Variants in NCKAP5 observed in about 807,000 individuals in gnomAD.
The protein encoded by NCKAP5 is NCK associated protein 5.
Under a neutral mutation model 167.0 loss-of-function variants are expected in NCKAP5, and 92 were observed. The observed-to-expected ratio is 0.55, with a 90% confidence interval of 0.47 to 0.66. NCKAP5 has a LOEUF of 0.66. Among genes scored for constraint, NCKAP5 ranks in the 30% least tolerant of loss-of-function variants. The pLI, the probability that NCKAP5 is intolerant of heterozygous loss-of-function variation, is 0.00. For synonymous variants in NCKAP5, 891 were observed against 877.4 expected, an observed-to-expected ratio of 1.02 and a Z score of -0.27; for missense variants, 2,378 against 2,315.0, an observed-to-expected ratio of 1.03 and a Z score of -0.56.
At chr2:133,255,658 G>C (rs2088579260) in intron 4 of NCKAP5, among the ~76,000 whole-genome samples, 1 of 152,180 alleles carries the variant, frequency 6.6e-6, no homozygotes, top group South Asian at 2.1e-4. Context: ...GACAAACTCT[G>C]CCCCTTGGGT....
chr2:133,490,964 C>T (rs1005439207), intron 3 of NCKAP5, among the ~76,000 whole-genome samples: 10 of 152,164 alleles, frequency 6.6e-5, no homozygotes, highest in African/African-American at 2.4e-4. Context: ...GGTAAGCCTG[C>T]TTACTTTTCC....
intron 6 of NCKAP5, among the ~76,000 whole-genome samples, chr2:133,124,627 T>C (rs2082345550): frequency 6.6e-6 from 1 of 152,258 alleles, no homozygotes; most frequent in East Asian, 1.9e-4. Flanking sequence ...AGCTAAGCTA[T>C]AAATACGGTG....
At chr2:133,610,304 G>A in the NCKAP5 span, among the ~76,000 whole-genome samples, 2 of 152,168 alleles carry the variant, frequency 1.3e-5, no homozygotes, top group Non-Finnish European at 2.9e-5. Context: ...AGACAAAAGA[G>A]GCAATAAACT....
chr2:132,700,153 C>G (rs577142040), intron 19 of NCKAP5, among the ~76,000 whole-genome samples: 1 of 152,144 alleles, frequency 6.6e-6, no homozygotes, highest in Non-Finnish European at 1.5e-5. Flanking sequence ...TGTTCATATC[C>G]TTCACTCACT....
In NCKAP5 at chr2:133,385,876, G is replaced by T. The variant is rs536504960; in HGVS notation, c.70-82766C>A. On this transcript the variant is annotated intron_variant, in intron 3 of 19. Transcript: ENST00000409261. ...TTCTCTGATGGTAGTTTGTATTTCTGTGGGATTGGTGGTGATATCCCCTTT... is the reference window on the plus strand; with the variant it reads ...TTCTCTGATGGTAGTTTGTATTTCTTTGGGATTGGTGGTGATATCCCCTTT... Among the ~76,000 whole-genome samples, 294 of 152,338 alleles carry T rather than the reference G, an allele frequency of 1.9e-3. 1 individual carries two copies. Among genetic ancestry groups the T allele is most frequent in the Non-Finnish European group, 3.6e-3 (247 of 68,038 alleles).
the NCKAP5 span, among the ~76,000 whole-genome samples, chr2:133,617,444 C>G: frequency 6.8e-6 from 1 of 146,818 alleles, no homozygotes; most frequent in South Asian, 2.3e-4. Context: ...TGATAAGCAA[C>G]TTCAGCAAAG....
intron 8 of NCKAP5, among the ~76,000 whole-genome samples, chr2:132,880,201 G>C (rs1370610986): frequency 6.6e-6 from 1 of 152,202 alleles, no homozygotes; most frequent in Non-Finnish European, 1.5e-5. Context: ...ACAGATATAA[G>C]TTAGATAAAA....
intron 3 of NCKAP5, among the ~76,000 whole-genome samples, chr2:133,316,211 C>A (rs568581959): frequency 1.2e-4 from 19 of 152,322 alleles, no homozygotes; most frequent in African/African-American, 4.3e-4. Context: ...ATGCAACCAA[C>A]ACACTGAACC....
the NCKAP5 span, among the ~76,000 whole-genome samples, chr2:133,637,476 C>CAAAAAAAAAAAAA: frequency 4.7e-4 from 15 of 31,664 alleles, 1 homozygote; most frequent in African/African-American, 2.0e-3. Context: ...TGGTATTTTC[C>CAAAAAAAAAAAAA]AAAAAAAAAA....
At chr2:133,666,557 C>G in the NCKAP5 span, among the ~76,000 whole-genome samples, 1 of 151,972 alleles carries the variant, frequency 6.6e-6, no homozygotes, top group East Asian at 1.9e-4. Flanking sequence ...TTAACAGTCA[C>G]CTACTGATGG....
At chr2:132,825,635 T>C (rs952318417) in intron 11 of NCKAP5, among the ~76,000 whole-genome samples, 2 of 152,184 alleles carry the variant, frequency 1.3e-5, no homozygotes, top group African/African-American at 2.4e-5. Flanking sequence ...ATTAGCAGAA[T>C]TCAGTACAAA....
intron 3 of NCKAP5, among the ~76,000 whole-genome samples, chr2:133,430,512 C>T (rs376092972): frequency 2.9e-4 from 44 of 152,024 alleles, no homozygotes; most frequent in African/African-American, 8.7e-4. Flanking sequence ...TGCGGTCATA[C>T]GTTTCAGTCT....
At chr2:133,300,155 G>T (rs1238773689) in intron 4 of NCKAP5, among the ~76,000 whole-genome samples, 2 of 121,944 alleles carry the variant, frequency 1.6e-5, no homozygotes, top group South Asian at 3.0e-4. Flanking sequence ...CAACCAAAAA[G>T]AGTCCAGGAC....
At chr2:133,275,745 A>G (rs1363340230) in intron 4 of NCKAP5, among the ~76,000 whole-genome samples, 1 of 151,962 alleles carries the variant, frequency 6.6e-6, no homozygotes, top group African/African-American at 2.4e-5. Context: ...AAAATAACCA[A>G]AAGAAAGGAA....
rs1553641915 is a variant in NCKAP5 at position 133,444,409 on chromosome 2, T to TATAGATAG, written c.69+73048_69+73049insCTATCTAT. Among the ~76,000 whole-genome samples, 530 of 138,744 alleles carry TATAGATAG rather than the reference T, an allele frequency of 3.8e-3. 3 individuals are homozygous for TATAGATAG. The highest frequency in any genetic ancestry group is 0.015 in the East Asian group (73 of 4,856). The allele number at this position is 138,744 out of a possible 152,430, so 91.0% of individuals were successfully genotyped here. Reference sequence around the variant, plus strand: ...ATAGATAGATAGATAGATAGATAGATATAGATATAGATGTAGATATTTAAA... The same window carrying TATAGATAG: ...ATAGATAGATAGATAGATAGATAGATATAGATAGATAGATATAGATGTAGATATTTAAA... On this transcript the variant is annotated intron_variant, in intron 3 of 19. Coordinates refer to ENST00000409261, the MANE Select transcript of NCKAP5 (RefSeq NM_207363.3).
intron 4 of NCKAP5, among the ~76,000 whole-genome samples, chr2:133,260,660 T>C (rs1447413591): frequency 6.6e-6 from 1 of 152,188 alleles, no homozygotes; most frequent in Non-Finnish European, 1.5e-5. Flanking sequence ...ACAGCTGAAT[T>C]TGGACGCCTG....
chr2:132,702,365 C>T (rs1311965321), intron 19 of NCKAP5, among the ~76,000 whole-genome samples: 1 of 152,070 alleles, frequency 6.6e-6, no homozygotes, highest in African/African-American at 2.4e-5. Context: ...TCTCGCTCCT[C>T]AGGGACCAGG....
chr2:132,689,539 C>T (rs1325642011), intron 19 of NCKAP5, among the ~76,000 whole-genome samples: 1 of 152,150 alleles, frequency 6.6e-6, no homozygotes, highest in Non-Finnish European at 1.5e-5. Flanking sequence ...GCTCACACTG[C>T]CTCTGCTACT....
intron 11 of NCKAP5, among the ~76,000 whole-genome samples, chr2:132,858,593 A>G (rs759624927): frequency 6.6e-6 from 1 of 152,176 alleles, no homozygotes; most frequent in Non-Finnish European, 1.5e-5. Flanking sequence ...GAGCTCCAAG[A>G]TGTTAAGAGG....
Sources: gnomAD v4.1 joint callset for allele counts (sites outside exome capture counted in the v4.1 genomes callset) on GRCh38, gnomAD v4.1.1 for gene constraint, MANE v1.5 for transcripts, NCBI Gene and HGNC (gene_info 2026-07-23, HGNC 2026-07-21) for gene names.